The following KHDRBS1 variants were observed in gnomAD, a reference collection of about 807,000 sequenced individuals.
The protein encoded by KHDRBS1 is KH domain-containing, RNA-binding, signal transduction-associated protein 1.
Under a neutral mutation model 48.4 loss-of-function variants are expected in KHDRBS1, and 7 were observed. The ratio of observed to expected loss-of-function variants is 0.14; its 90% CI spans 0.08 to 0.27. The LOEUF (loss-of-function observed/expected upper bound fraction) is 0.27. Among genes scored for constraint, KHDRBS1 ranks in the 10% least tolerant of loss-of-function variants. The pLI is 1.00. For synonymous variants in KHDRBS1, 241 were observed against 235.8 expected (o/e 1.02, Z -0.20); for missense variants, 458 against 601.2 (o/e 0.76, Z 2.49).
intron 1 of KHDRBS1, among the ~76,000 whole-genome samples, chr1:32,018,801 T>A (rs1638796406): frequency 6.6e-6 from 1 of 151,364 alleles, no homozygotes; most frequent in African/African-American, 2.4e-5. Context: ...CCAGGTGCGG[T>A]GGCCCATGCC....
chr1:32,036,373 G>A (rs1016789242), intron 4 of KHDRBS1, among the ~76,000 whole-genome samples: 1 of 151,982 alleles, frequency 6.6e-6, no homozygotes, highest in Non-Finnish European at 1.5e-5. Flanking sequence ...GTTTCACCGT[G>A]TTAGCCAGGG....
chr1:32,040,651 G>C (rs1639265860), intron 8 of KHDRBS1, among the ~76,000 whole-genome samples: 1 of 152,156 alleles, frequency 6.6e-6, no homozygotes, highest in Non-Finnish European at 1.5e-5. Flanking sequence ...TGTGTTAATA[G>C]GCCTCACTGG....
intron 3 of KHDRBS1, among the ~76,000 whole-genome samples, 160 bp from the exon 4 acceptor site, chr1:32,033,028 C>CT (rs1346554291): frequency 1.3e-5 from 2 of 152,062 alleles, no homozygotes; most frequent in Non-Finnish European, 2.9e-5. Context: ...TTTCTTTTTT[C>CT]TTTTTTCTTT....
intron 1 of KHDRBS1, among the ~76,000 whole-genome samples, chr1:32,015,530 G>T (rs1432058220): frequency 1.3e-5 from 2 of 152,260 alleles, no homozygotes; most frequent in Non-Finnish European, 2.9e-5. Context: ...TACCAGTGTG[G>T]TGTTCATCTT....
At position 32,043,174 on chromosome 1, in the gene KHDRBS1, AATGTTTCCTTT is replaced by A. The variant is rs1281104930; in HGVS notation, c.*553_*563del. 4 of 152,602 alleles carry A rather than the reference AATGTTTCCTTT, an allele frequency of 2.6e-5. No individual in the cohort carries two copies. The highest frequency in any genetic ancestry group is 5.9e-5 in the Non-Finnish European group (4 of 68,030). 9.5% of individuals were successfully genotyped at this position (152,602 alleles called of 1,614,324 possible). On this transcript the variant is annotated 3_prime_UTR_variant, in exon 9 of 9. Transcript: ENST00000327300. The stretch of plus-strand genomic sequence containing the variant: ...AAAGTGAGCTCAGACGTCTCTAAAA[AATGTTTCCTTT>A]ATAAAAGCACATGGCGGTTGAATCT...
chr1:32,047,732 A>G (rs938504255), downstream of KHDRBS1, among the ~76,000 whole-genome samples: 12 of 152,214 alleles, frequency 7.9e-5, no homozygotes, highest in African/African-American at 2.4e-4. Flanking sequence ...AAAATTTACA[A>G]TTTTAAAGTG....
At chr1:32,023,907 G>A (rs1381650373) in intron 1 of KHDRBS1, among the ~76,000 whole-genome samples, 1 of 152,126 alleles carries the variant, frequency 6.6e-6, no homozygotes, top group Non-Finnish European at 1.5e-5. Context: ...TAAATAAAGT[G>A]TGCCCCCCAC....
At chr1:32,034,685 G>T (rs1639143126) in intron 4 of KHDRBS1, among the ~76,000 whole-genome samples, 1 of 151,470 alleles carries the variant, frequency 6.6e-6, no homozygotes, top group Non-Finnish European at 1.5e-5. Flanking sequence ...TCATTAGAAT[G>T]TTCAACATGA....
intron 10 of KHDRBS1, among the ~76,000 whole-genome samples, chr1:32,053,144 C>CT (rs1305338124): frequency 6.6e-6 from 1 of 152,086 alleles, no homozygotes; most frequent in African/African-American, 2.4e-5. Context: ...CAGCAAGACT[C>CT]TGTCTCAAAA....
At chr1:32,018,758 AAAACAAAC>A (rs543759442) in intron 1 of KHDRBS1, among the ~76,000 whole-genome samples, 2 of 150,236 alleles carry the variant, frequency 1.3e-5, no homozygotes, top group Non-Finnish European at 3.0e-5. Context: ...CTCCGTCTCA[AAAACAAAC>A]AAACAAACAA....
chr1:32,036,129 A>C (rs1423593210), intron 4 of KHDRBS1, among the ~76,000 whole-genome samples: 1 of 145,628 alleles, frequency 6.9e-6, no homozygotes, highest in Non-Finnish European at 1.5e-5. Flanking sequence ...TAAAATGTGG[A>C]GATCTGCCTA....
At chr1:32,029,032 T>G (rs1177335396) in intron 1 of KHDRBS1, among the ~76,000 whole-genome samples, 1 of 152,228 alleles carries the variant, frequency 6.6e-6, no homozygotes, top group Admixed American at 6.5e-5. Context: ...CTGGCTCTTA[T>G]TAAGTCCTCC....
chr1:32,059,041 C>T (rs1340247186), intron 10 of KHDRBS1, among the ~76,000 whole-genome samples: 2 of 151,754 alleles, frequency 1.3e-5, no homozygotes, highest in South Asian at 2.1e-4. Flanking sequence ...CCTGTAATCC[C>T]GGCTACTTGG....
intron 1 of KHDRBS1, among the ~76,000 whole-genome samples, chr1:32,018,963 C>T (rs979470606): frequency 4.0e-5 from 6 of 150,932 alleles, no homozygotes; most frequent in Non-Finnish European, 7.4e-5. Context: ...CCTAGCTACT[C>T]GGGAGCCTGT....
At chr1:32,032,850 C>T (rs749753091) in intron 3 of KHDRBS1, among the ~76,000 whole-genome samples, 12 of 152,048 alleles carry the variant, frequency 7.9e-5, no homozygotes, top group East Asian at 1.9e-4. Flanking sequence ...CCACCATGCC[C>T]GGCTAATTTT....
chr1:32,038,108 T>C (rs1402688572), intron 6 of KHDRBS1, 72 bp downstream of exon 6: 1 of 1,588,662 alleles, frequency 6.3e-7, no homozygotes, highest in Non-Finnish European at 8.6e-7. Context: ...TGACAGGGCC[T>C]CGGTCCTTTA....
rs969263660 is a variant in KHDRBS1, at chr1:32,036,128, G to A, written c.772-782G>A. The stretch of plus-strand genomic sequence containing the variant: ...TCTGTTTTCTTAACTGTAAAATGTG[G>A]AGATCTGCCTACTTATTTCAGGGTC... On this transcript the variant is annotated intron_variant, in intron 4 of 8. Transcript: ENST00000327300. 4.2e-4 allele frequency among the ~76,000 whole-genome samples: 63 copies of A among 149,826 alleles called. 1 individual carries two copies. The highest frequency in any genetic ancestry group is 1.4e-3 in the African/African-American group (58 of 40,518).
intron 5 of KHDRBS1, among the ~76,000 whole-genome samples, 166 bp downstream of exon 5, chr1:32,037,209 T>C (rs566439190): frequency 2.6e-5 from 4 of 152,298 alleles, no homozygotes; most frequent in South Asian, 2.1e-4. Context: ...CCCAGCACTT[T>C]AGGAGGCTAA....
intron 8 of KHDRBS1, 39 bp from the exon 9 acceptor site, chr1:32,042,488 C>G (rs770075006): frequency 7.1e-7 from 1 of 1,399,450 alleles, no homozygotes; most frequent in Non-Finnish European, 1.0e-6. Context: ...TAAGTGCTGT[C>G]GCCACATGGT....
Sources: gnomAD v4.1 joint callset for allele counts (sites outside exome capture counted in the v4.1 genomes callset) on GRCh38, gnomAD v4.1.1 for gene constraint, MANE v1.5 for transcripts, NCBI Gene and HGNC (gene_info 2026-07-23, HGNC 2026-07-21) for gene names.